The following HHIP variants were observed in gnomAD, a reference collection of about 807,000 sequenced individuals.
HHIP encodes hedgehog-interacting protein.
In HHIP, 12 loss-of-function variants were observed where a neutral mutation model predicts 74.0. That is an observed-to-expected ratio of 0.16 (90% CI 0.10 to 0.26). HHIP has a LOEUF of 0.26. Ranked by LOEUF, HHIP falls within the 10% of genes least tolerant of loss-of-function variation. The pLI is 1.00. For missense variants in HHIP, 788 were observed against 845.0 expected (o/e 0.93, Z 0.84); for synonymous variants, 309 against 311.6 (o/e 0.99, Z 0.09).
intron 4 of HHIP, 39 bp from the exon 5 acceptor site, chr4:144,706,492 T>A (rs1177800052): frequency 2.0e-6 from 3 of 1,516,732 alleles, no homozygotes; most frequent in African/African-American, 1.4e-5. Flanking sequence ...AAGAACATAA[T>A]TAACTTTACA....
At chr4:144,678,489 C>T (rs1193950280) in intron 4 of HHIP, among the ~76,000 whole-genome samples, 3 of 152,080 alleles carry the variant, frequency 2.0e-5, no homozygotes, top group Admixed American at 1.3e-4. Context: ...TTTGCTGCAC[C>T]TATCAACCTG....
intron 12 of HHIP, among the ~76,000 whole-genome samples, chr4:144,736,217 C>T (rs1731116208): frequency 1.3e-5 from 2 of 150,738 alleles, no homozygotes; most frequent in Non-Finnish European, 1.5e-5. Context: ...CTCACCACAA[C>T]CTCCACCTCC....
intron 4 of HHIP, among the ~76,000 whole-genome samples, chr4:144,667,421 A>G (rs1728904933): frequency 6.6e-6 from 1 of 152,232 alleles, no homozygotes; most frequent in South Asian, 2.1e-4. Context: ...TAGTGTTAGC[A>G]TTCGCACCAA....
chr4:144,692,590 C>A, intron 4 of HHIP, among the ~76,000 whole-genome samples: 1 of 152,100 alleles, frequency 6.6e-6, no homozygotes, highest in Non-Finnish European at 1.5e-5. Context: ...AATTAGATTC[C>A]CCCTGAATTC....
chr4:144,742,875 T>G lies in HHIP; in HGVS notation c.*4918T>G, dbSNP rs1386880618. On this transcript the variant is annotated 3_prime_UTR_variant, in exon 13 of 13. Transcript: ENST00000296575. ...TATATATATCTTATATATATATCTT[T>G]TTATATATATCTTATATATATATCT... 2 of 91,314 alleles carry G rather than the reference T, an allele frequency of 2.2e-5. No individual in the cohort carries two copies. Among genetic ancestry groups the G allele is most frequent in the Non-Finnish European group, 4.2e-5 (2 of 47,514 alleles). 5.7% of individuals were successfully genotyped at this position (91,314 alleles called of 1,614,324 possible).
At chr4:144,659,001 T>A in intron 3 of HHIP, 55 bp downstream of exon 3, 1 of 1,461,440 alleles carries the variant, frequency 6.8e-7, no homozygotes, top group Admixed American at 1.9e-5. Context: ...CTGACAAATC[T>A]TGTGGTTTTG....
chr4:144,664,155 T>A (rs1728791812), intron 4 of HHIP, among the ~76,000 whole-genome samples: 1 of 152,170 alleles, frequency 6.6e-6, no homozygotes, highest in African/African-American at 2.4e-5. Flanking sequence ...TCCCTCTCTA[T>A]CTACTTGGAC....
intron 11 of HHIP, among the ~76,000 whole-genome samples, chr4:144,721,785 C>G (rs867540616): frequency 4.0e-5 from 6 of 151,852 alleles, no homozygotes; most frequent in Middle Eastern, 6.3e-3. Flanking sequence ...TGCCTGTAAT[C>G]CCAGCTACTC....
intron 11 of HHIP, among the ~76,000 whole-genome samples, chr4:144,724,621 C>G (rs1411286666): frequency 6.7e-6 from 1 of 148,518 alleles, no homozygotes; most frequent in Non-Finnish European, 1.5e-5. Context: ...ATCATTATTT[C>G]TGGTGAGAAC....
At chr4:144,705,160 C>T (rs1011429306) in intron 4 of HHIP, among the ~76,000 whole-genome samples, 4 of 152,116 alleles carry the variant, frequency 2.6e-5, no homozygotes, top group Non-Finnish European at 5.9e-5. Context: ...GTGATCTATA[C>T]CTAAAAACAG....
intron 11 of HHIP, among the ~76,000 whole-genome samples, chr4:144,719,545 C>T (rs1730570872): frequency 6.6e-6 from 1 of 152,152 alleles, no homozygotes; most frequent in Non-Finnish European, 1.5e-5. Context: ...GTTTATCTCA[C>T]CCCTGGTCCT....
intron 4 of HHIP, among the ~76,000 whole-genome samples, chr4:144,681,957 A>G (rs1729361039): frequency 6.6e-6 from 1 of 152,188 alleles, no homozygotes; most frequent in Admixed American, 6.5e-5. Context: ...TTCATTCTAC[A>G]GCTGTGGAAG....
chr4:144,711,979 T>C lies in HHIP; in HGVS notation c.1331T>C (p.Ile444Thr), dbSNP rs149765303. The C allele has an allele frequency of 3.7e-6, 6 of 1,611,846 alleles. No homozygotes were observed. Among genetic ancestry groups the C allele is most frequent in the South Asian group, 2.2e-5 (2 of 91,048 alleles). ...RCAVDRHPTD[I>T]NINLTILCSD... ...GCTGTGGATAGACATCCCACTGATA[T>C]AAACATCAATTTAACGATACTGTGT... Residue 444 changes from isoleucine to threonine, a missense_variant, in exon 8 of 13, where the codon ATA (isoleucine) becomes ACA (threonine). Ile to Thr is a moderately conservative substitution (Grantham distance 89, BLOSUM62 -1). Transcript: ENST00000296575.
At chr4:144,718,314 C>G (rs181106611) in intron 10 of HHIP, among the ~76,000 whole-genome samples, 191 of 152,218 alleles carry the variant, frequency 1.3e-3, no homozygotes, top group Admixed American at 4.9e-3. Flanking sequence ...GGGCCTGGAA[C>G]AGCAAGAACT....
intron 4 of HHIP, among the ~76,000 whole-genome samples, chr4:144,664,424 T>C (rs1368160835): frequency 7.9e-5 from 12 of 152,208 alleles, no homozygotes; most frequent in African/African-American, 2.9e-4. Context: ...ATTTGTGAAA[T>C]CTAAGTCCTC....
chr4:144,705,375 T>A (rs944531617), intron 4 of HHIP, among the ~76,000 whole-genome samples: 7 of 151,868 alleles, frequency 4.6e-5, no homozygotes, highest in African/African-American at 1.7e-4. Flanking sequence ...GTATTAGAGA[T>A]TTTTTTTTCT....
At chr4:144,721,401 T>C (rs1730629664) in intron 11 of HHIP, among the ~76,000 whole-genome samples, 3 of 152,106 alleles carry the variant, frequency 2.0e-5, no homozygotes, top group South Asian at 4.1e-4. Context: ...AAGGTTCTAG[T>C]ATTACCACCT....
chr4:144,702,701 C>T (rs1257138707), intron 4 of HHIP, among the ~76,000 whole-genome samples: 4 of 151,310 alleles, frequency 2.6e-5, no homozygotes, highest in Admixed American at 6.6e-5. Flanking sequence ...TAAAGCATTA[C>T]CAAACTGAGG....
chr4:144,650,514 A>G (rs1051359023), intron 1 of HHIP: 1 of 152,144 alleles, frequency 6.6e-6, no homozygotes, highest in Non-Finnish European at 1.5e-5. Context: ...GGCAAAAAAG[A>G]GGAAGAAATT....
Sources: allele counts gnomAD v4.1 joint callset (sites outside exome capture counted in the v4.1 genomes callset), GRCh38; gene constraint gnomAD v4.1.1; transcripts MANE v1.5; gene names NCBI Gene and HGNC (gene_info 2026-07-23, HGNC 2026-07-21).